NTM: variants seen among roughly 807,000 people sequenced by gnomAD.
NTM encodes neurotrimin.
NTM carries 13 observed loss-of-function variants against 42.1 expected under a neutral mutation model. The ratio of observed to expected loss-of-function variants is 0.31; its 90% CI spans 0.20 to 0.49. The LOEUF (loss-of-function observed/expected upper bound fraction) is 0.49, where lower values mean the gene tolerates loss of function less well. NTM is among the 20% of genes least tolerant of loss of function. The probability of loss-of-function intolerance (pLI) is 0.99; values close to 1 mark genes in which losing one functional copy is unlikely to be tolerated. For missense variants in NTM, 373 were observed against 452.8 expected (o/e 0.82, Z 1.60); for synonymous variants, 187 against 179.2 (o/e 1.04, Z -0.35).
chr11:131,861,688 C>T lies in NTM; in HGVS notation c.83-49876C>T, dbSNP rs151135148. ...GAAAATGAATTAGAAGCACATGCTG[C>T]CCCTGAGGTTTCTGATATTTCACTA... On this transcript the variant is annotated intron_variant, in intron 1 of 8. Coordinates refer to ENST00000683400, the MANE Select transcript of NTM (RefSeq NM_001352005.2). 1.9e-3 allele frequency among the ~76,000 whole-genome samples: 292 copies of T among 152,162 alleles called. 3 individuals carry two copies. The highest frequency in any genetic ancestry group is 6.4e-3 in the African/African-American group (267 of 41,494).
chr11:132,296,304 A>G (rs1262552904), intron 4 of NTM, among the ~76,000 whole-genome samples: 1 of 152,160 alleles, frequency 6.6e-6, no homozygotes, highest in Non-Finnish European at 1.5e-5. Context: ...TTAAAAGAAT[A>G]GGTTTACCTG....
intron 4 of NTM, among the ~76,000 whole-genome samples, chr11:132,265,821 G>GT (rs2093149829): frequency 6.6e-6 from 1 of 152,092 alleles, no homozygotes; most frequent in African/African-American, 2.4e-5. Flanking sequence ...TCTTCTCCAC[G>GT]TTTTATAGAT....
intron 1 of NTM, among the ~76,000 whole-genome samples, chr11:131,588,195 A>G (rs571113031): frequency 1.7e-4 from 26 of 152,376 alleles, no homozygotes; most frequent in African/African-American, 4.6e-4. Flanking sequence ...ATCTGCTGCA[A>G]GCTCACTCAA....
At chr11:132,229,479 G>A (rs564014434) in intron 4 of NTM, among the ~76,000 whole-genome samples, 10 of 152,254 alleles carry the variant, frequency 6.6e-5, no homozygotes, top group African/African-American at 2.2e-4. Flanking sequence ...TTTTTGGCTA[G>A]AATCCATATA....
chr11:131,689,410 T>C (rs2074371094), intron 1 of NTM, among the ~76,000 whole-genome samples: 1 of 152,196 alleles, frequency 6.6e-6, no homozygotes, highest in Non-Finnish European at 1.5e-5. Flanking sequence ...GCAGAGTGAA[T>C]CTGTGTCTCT....
chr11:131,855,981 G>A (rs896195465), intron 1 of NTM, among the ~76,000 whole-genome samples: 2 of 152,142 alleles, frequency 1.3e-5, no homozygotes, highest in South Asian at 2.1e-4. Context: ...AGATCCCCAC[G>A]CCTGAAGATG....
At chr11:132,139,518 G>C (rs1200479122) in intron 2 of NTM, among the ~76,000 whole-genome samples, 1 of 152,232 alleles carries the variant, frequency 6.6e-6, no homozygotes, top group Non-Finnish European at 1.5e-5. Context: ...GGATACTACT[G>C]TATTTGACAG....
chr11:131,507,968 G>T (rs985729370), intron 1 of NTM, among the ~76,000 whole-genome samples: 1 of 152,116 alleles, frequency 6.6e-6, no homozygotes, highest in Non-Finnish European at 1.5e-5. Flanking sequence ...TCAGGACATA[G>T]GCACGGGCAA....
chr11:131,910,527 C>A (rs2054620531), intron 1 of NTM, among the ~76,000 whole-genome samples: 1 of 151,416 alleles, frequency 6.6e-6, no homozygotes, highest in Non-Finnish European at 1.5e-5. Context: ...AGCCCGCCCG[C>A]TCGCTCCGAG....
At chr11:131,968,267 C>CA (rs2063088643) in intron 2 of NTM, among the ~76,000 whole-genome samples, 1 of 152,060 alleles carries the variant, frequency 6.6e-6, no homozygotes, top group Admixed American at 6.6e-5. Flanking sequence ...AGAATCAAAC[C>CA]AATTTGTGAG....
intron 1 of NTM, among the ~76,000 whole-genome samples, chr11:131,443,981 T>C (rs1356311488): frequency 6.6e-6 from 1 of 152,134 alleles, no homozygotes; most frequent in Non-Finnish European, 1.5e-5. Context: ...CCAGAGACAC[T>C]CAGCTAAGCC....
chr11:132,157,627 G>T (rs184016332), intron 3 of NTM, among the ~76,000 whole-genome samples: 1 of 152,106 alleles, frequency 6.6e-6, no homozygotes, highest in African/African-American at 2.4e-5. Flanking sequence ...GATTAAAATC[G>T]CTAAACATTC....
At chr11:131,562,924 C>T (rs964886903) in intron 1 of NTM, among the ~76,000 whole-genome samples, 4 of 152,204 alleles carry the variant, frequency 2.6e-5, no homozygotes, top group Non-Finnish European at 5.9e-5. Flanking sequence ...CTGAGTCCTG[C>T]ATATGCATGA....
chr11:131,435,897 C>T (rs1157439462), intron 1 of NTM, among the ~76,000 whole-genome samples: 2 of 152,176 alleles, frequency 1.3e-5, no homozygotes, highest in Non-Finnish European at 2.9e-5. Flanking sequence ...AGTTTTTGCC[C>T]ATTCAGTATG....
intron 2 of NTM, among the ~76,000 whole-genome samples, chr11:132,045,124 C>G (rs552768379): frequency 6.6e-6 from 1 of 152,300 alleles, no homozygotes; most frequent in South Asian, 2.1e-4. Context: ...ATGCAAAAAT[C>G]CTCAGTAACA....
intron 1 of NTM, among the ~76,000 whole-genome samples, chr11:131,695,814 C>G (rs1403970003): frequency 2.6e-5 from 4 of 152,094 alleles, no homozygotes; most frequent in African/African-American, 9.7e-5. Flanking sequence ...TCCCAATATT[C>G]CATTGAGGAA....
At chr11:131,759,038 G>A (rs1323212732) in intron 1 of NTM, among the ~76,000 whole-genome samples, 3 of 152,182 alleles carry the variant, frequency 2.0e-5, no homozygotes, top group East Asian at 1.9e-4. Context: ...GTTTGGTCTA[G>A]AGTCATCCAA....
At chr11:131,752,058 G>A (rs902107164) in intron 1 of NTM, among the ~76,000 whole-genome samples, 1 of 152,120 alleles carries the variant, frequency 6.6e-6, no homozygotes, top group Non-Finnish European at 1.5e-5. Flanking sequence ...AAACCACTAA[G>A]ATACCATTGC....
At chr11:132,055,442 C>T (rs1408186172) in intron 2 of NTM, among the ~76,000 whole-genome samples, 1 of 152,114 alleles carries the variant, frequency 6.6e-6, no homozygotes, top group Non-Finnish European at 1.5e-5. Flanking sequence ...ACAAACACAC[C>T]AACTTGCAAA....
Sources: allele counts gnomAD v4.1 joint callset (sites outside exome capture counted in the v4.1 genomes callset), GRCh38; gene constraint gnomAD v4.1.1; transcripts MANE v1.5; gene names NCBI Gene and HGNC (gene_info 2026-07-23, HGNC 2026-07-21).